ADK: variants seen among roughly 807,000 people sequenced by gnomAD.
ADK encodes adenosine kinase, also known as N6,N6-dimethyladenosine kinase.
A neutral mutation model predicts 44.7 loss-of-function variants in ADK; 24 were observed. The observed-to-expected ratio is 0.54, with a 90% CI of 0.39 to 0.76. ADK has a LOEUF of 0.76. Among genes scored for constraint, ADK ranks in the 30% least tolerant of loss-of-function variants. The probability of loss-of-function intolerance (pLI) is 0.00; values close to 1 mark genes in which losing one functional copy is unlikely to be tolerated. For synonymous variants in ADK, 128 were observed against 142.6 expected (o/e 0.90, Z 0.73); for missense variants, 321 against 425.1 (o/e 0.76, Z 2.15).
chr10:74,517,675 C>T (rs975002331), intron 6 of ADK, among the ~76,000 whole-genome samples: 17 of 145,476 alleles, frequency 1.2e-4, no homozygotes, highest in South Asian at 2.2e-4. Context: ...GGCAACTGGG[C>T]GAGTCTCTGT....
intron 8 of ADK, among the ~76,000 whole-genome samples, chr10:74,591,609 T>C (rs1851721530): frequency 6.6e-6 from 1 of 152,202 alleles, no homozygotes; most frequent in African/African-American, 2.4e-5. Context: ...GTTTGAAACT[T>C]GGTATTCTTA....
At chr10:74,310,632 C>T (rs1259085279) in intron 3 of ADK, among the ~76,000 whole-genome samples, 1 of 152,134 alleles carries the variant, frequency 6.6e-6, no homozygotes, top group Non-Finnish European at 1.5e-5. Context: ...CCAGTGTTAT[C>T]ATCATTTTTA....
At chr10:74,300,362 T>C (rs12570068) in intron 3 of ADK, among the ~76,000 whole-genome samples, 1,349 of 57,084 alleles carry the variant, frequency 0.024, 32 homozygotes, top group Middle Eastern at 0.045. Flanking sequence ...TTCCTTCCTT[T>C]CTTTCTTTCT....
At chr10:74,307,955 T>A (rs1778899803) in intron 3 of ADK, among the ~76,000 whole-genome samples, 1 of 152,230 alleles carries the variant, frequency 6.6e-6, no homozygotes, top group Non-Finnish European at 1.5e-5. Context: ...TGCTTACATA[T>A]GACTTTTTCT....
At chr10:74,365,895 A>G (rs1436062875) in intron 4 of ADK, among the ~76,000 whole-genome samples, 1 of 152,226 alleles carries the variant, frequency 6.6e-6, no homozygotes, top group Non-Finnish European at 1.5e-5. Flanking sequence ...AGTTTTAAAT[A>G]CTATTAATAT....
chr10:74,449,111 G>A (rs184316570), intron 6 of ADK, among the ~76,000 whole-genome samples: 1 of 152,320 alleles, frequency 6.6e-6, no homozygotes, highest in Admixed American at 6.5e-5. Flanking sequence ...CCATAGGGCA[G>A]GCAACCAGGA....
At chr10:74,316,085 C>T in intron 4 of ADK, among the ~76,000 whole-genome samples, 1 of 151,898 alleles carries the variant, frequency 6.6e-6, no homozygotes, top group East Asian at 1.9e-4. Context: ...TAAAAAAATA[C>T]AAAAATTAGC....
At chr10:74,654,254 C>G (rs917018468) in intron 9 of ADK, among the ~76,000 whole-genome samples, 1 of 152,214 alleles carries the variant, frequency 6.6e-6, no homozygotes, top group South Asian at 2.1e-4. Context: ...TAATGTCCTA[C>G]TCCTGAAATA....
At chr10:74,662,037 TA>T (rs1417068142) in intron 9 of ADK, among the ~76,000 whole-genome samples, 1 of 152,222 alleles carries the variant, frequency 6.6e-6, no homozygotes, top group Non-Finnish European at 1.5e-5. Flanking sequence ...AATAAGCTCC[TA>T]AAAATACCTG....
rs1841718683 is a variant in ADK, at chr10:74,155,432, A to G, written c.65+4089A>G. Among the ~76,000 whole-genome samples, 5 of 151,618 alleles carry G rather than the reference A, an allele frequency of 3.3e-5. No homozygotes were observed. The South Asian group carries it at 1.1e-3, about 32-fold the overall frequency. On this transcript the variant is annotated intron_variant, in intron 1 of 10. Transcript: ENST00000539909. The stretch of plus-strand genomic sequence containing the variant: ...TGGCTTCCCAAAGTGCTGGGATTAC[A>G]CGTGTGAGCCACCAAGCCTGGCCTT...
chr10:74,593,475 CAAAA>C (rs35392498), intron 8 of ADK, among the ~76,000 whole-genome samples: 207 of 148,770 alleles, frequency 1.4e-3, no homozygotes, highest in Middle Eastern at 3.4e-3. Flanking sequence ...CTAGCAATGA[CAAAA>C]AAAAAGCGAC....
intron 7 of ADK, among the ~76,000 whole-genome samples, chr10:74,577,320 C>T (rs927048147): frequency 3.3e-5 from 5 of 151,958 alleles, no homozygotes. Flanking sequence ...AAAATCTTGT[C>T]TATGGTGTAT....
chr10:74,672,945 A>G (rs1367067368), intron 10 of ADK, among the ~76,000 whole-genome samples: 1 of 152,204 alleles, frequency 6.6e-6, no homozygotes, highest in East Asian at 1.9e-4. Flanking sequence ...GTCTGGCTCC[A>G]AAGTCAGTGC....
intron 6 of ADK, among the ~76,000 whole-genome samples, chr10:74,439,173 G>A (rs1169646047): frequency 2.0e-5 from 3 of 152,180 alleles, no homozygotes; most frequent in Non-Finnish European, 4.4e-5. Context: ...CAGATTTATA[G>A]CAACTGTCTG....
intron 3 of ADK, among the ~76,000 whole-genome samples, chr10:74,233,764 T>C (rs1310500976): frequency 6.6e-6 from 1 of 152,208 alleles, no homozygotes; most frequent in Non-Finnish European, 1.5e-5. Context: ...TCTCTTTTAG[T>C]CTGTTCAGTG....
intron 1 of ADK, among the ~76,000 whole-genome samples, chr10:74,166,767 TAC>T (rs1179613620): frequency 1.3e-5 from 2 of 152,206 alleles, no homozygotes; most frequent in African/African-American, 4.8e-5. Flanking sequence ...TTCTGATTGC[TAC>T]ATGACTTCCA....
intron 4 of ADK, among the ~76,000 whole-genome samples, chr10:74,323,584 T>G (rs2131827956): frequency 6.6e-6 from 1 of 151,872 alleles, no homozygotes. Context: ...CTTTTTTTTT[T>G]TTTTGAGATG....
At chr10:74,213,087 G>A (rs1843881479) in intron 2 of ADK, among the ~76,000 whole-genome samples, 1 of 152,112 alleles carries the variant, frequency 6.6e-6, no homozygotes, top group South Asian at 2.1e-4. Flanking sequence ...TATGTTTTTG[G>A]TGGGTAGAAG....
intron 6 of ADK, among the ~76,000 whole-genome samples, chr10:74,476,440 C>G (rs188324851): frequency 3.2e-4 from 48 of 151,380 alleles, no homozygotes; most frequent in Middle Eastern, 3.4e-3. Context: ...TGCAGTGAGT[C>G]AAGATCGTGC....
Sources: allele counts gnomAD v4.1 joint callset (sites outside exome capture counted in the v4.1 genomes callset), GRCh38; gene constraint gnomAD v4.1.1; transcripts MANE v1.5; gene names NCBI Gene and HGNC (gene_info 2026-07-23, HGNC 2026-07-21).